The following DPYD variants were observed in gnomAD, a reference collection of about 807,000 sequenced individuals.
DPYD encodes the protein dihydropyrimidine dehydrogenase, also known as dihydropyrimidine dehydrogenase [NADP(+)].
In DPYD, 109 loss-of-function variants were observed where a neutral mutation model predicts 116.2. That is an observed-to-expected ratio of 0.94 (90% CI 0.80 to 1.10). The LOEUF is 1.10. Among genes scored for constraint, DPYD ranks in the 50% least tolerant of loss-of-function variants. DPYD has a pLI of 0.00. For synonymous variants in DPYD, 440 were observed against 432.0 expected (o/e 1.02, Z -0.23); for missense variants, 1,302 against 1,254.5 (o/e 1.04, Z -0.57).
At chr1:97,181,120 A>T (rs898120814) in intron 20 of DPYD, among the ~76,000 whole-genome samples, 5 of 152,148 alleles carry the variant, frequency 3.3e-5, no homozygotes, top group African/African-American at 1.2e-4. Flanking sequence ...CTGACAATTG[A>T]TCACACACCT....
At chr1:97,574,168 T>TG (rs1324214649) in intron 10 of DPYD, among the ~76,000 whole-genome samples, 198 bp from the exon 11 acceptor site, 3 of 152,174 alleles carry the variant, frequency 2.0e-5, no homozygotes, top group Non-Finnish European at 4.4e-5. Context: ...GAATTGGAGT[T>TG]GTAATGTGGA....
chr1:97,718,189 T>TG (rs1331657543), intron 5 of DPYD, among the ~76,000 whole-genome samples: 3 of 152,070 alleles, frequency 2.0e-5, no homozygotes, highest in Non-Finnish European at 4.4e-5. Flanking sequence ...TAGTGCATTC[T>TG]GGTTTTAATT....
intron 13 of DPYD, among the ~76,000 whole-genome samples, chr1:97,459,666 T>C (rs899165834): frequency 1.3e-5 from 2 of 151,968 alleles, no homozygotes; most frequent in Non-Finnish European, 2.9e-5. Flanking sequence ...TGTAGACTTA[T>C]AACTCAAGGA....
At chr1:97,898,533 T>C (rs1673195574) in intron 1 of DPYD, among the ~76,000 whole-genome samples, 1 of 151,976 alleles carries the variant, frequency 6.6e-6, no homozygotes, top group African/African-American at 2.4e-5. Context: ...CATTGCTTGA[T>C]AGCCAGTATC....
At chr1:97,704,845 T>C (rs1661829331) in intron 5 of DPYD, among the ~76,000 whole-genome samples, 1 of 152,004 alleles carries the variant, frequency 6.6e-6, no homozygotes, top group Admixed American at 6.6e-5. Flanking sequence ...GCCGAAACAA[T>C]GTAATAAATG....
intron 13 of DPYD, among the ~76,000 whole-genome samples, chr1:97,467,524 T>A (rs1391705198): frequency 6.6e-6 from 1 of 152,230 alleles, no homozygotes; most frequent in East Asian, 1.9e-4. Context: ...TAAAAAATCC[T>A]CATCTGTAAG....
intron 12 of DPYD, among the ~76,000 whole-genome samples, chr1:97,536,362 CTT>C (rs747106837): frequency 2.0e-5 from 3 of 152,290 alleles, no homozygotes; most frequent in Non-Finnish European, 2.9e-5. Context: ...TCAATCTTCT[CTT>C]AACACAGGAA....
At chr1:97,618,421 G>A (rs572896169) in intron 8 of DPYD, among the ~76,000 whole-genome samples, 3 of 144,378 alleles carry the variant, frequency 2.1e-5, no homozygotes, top group East Asian at 2.0e-4. Flanking sequence ...TGTCACACAT[G>A]CTGGAGTGCA....
At chr1:97,547,445 C>T (rs1022667781) in intron 12 of DPYD, among the ~76,000 whole-genome samples, 1 of 152,152 alleles carries the variant, frequency 6.6e-6, no homozygotes, top group Admixed American at 6.5e-5. Flanking sequence ...AGACTGGAGC[C>T]TGAACCACTC....
intron 12 of DPYD, among the ~76,000 whole-genome samples, chr1:97,533,353 C>T (rs937312715): frequency 1.3e-5 from 2 of 152,098 alleles, no homozygotes; most frequent in Non-Finnish European, 2.9e-5. Context: ...AAGAATAAAA[C>T]AGTAAATTAA....
intron 1 of DPYD, among the ~76,000 whole-genome samples, chr1:97,908,245 C>T (rs982395658): frequency 2.0e-5 from 3 of 151,798 alleles, no homozygotes; most frequent in African/African-American, 4.8e-5. Flanking sequence ...GGGGTTTTGC[C>T]CTATTGCCCG....
At chr1:97,216,093 T>C (rs1660374342) in intron 19 of DPYD, among the ~76,000 whole-genome samples, 1 of 152,218 alleles carries the variant, frequency 6.6e-6, no homozygotes, top group Non-Finnish European at 1.5e-5. Flanking sequence ...TGCATTTTTC[T>C]TTCAACTGGA....
intron 12 of DPYD, among the ~76,000 whole-genome samples, chr1:97,548,663 G>A (rs980654110): frequency 2.0e-5 from 3 of 152,172 alleles, no homozygotes; most frequent in Non-Finnish European, 4.4e-5. Flanking sequence ...TTGAACCCAG[G>A]AGGTGGAGGC....
At chr1:97,811,275 G>A (rs760546577) in intron 3 of DPYD, among the ~76,000 whole-genome samples, 2 of 151,950 alleles carry the variant, frequency 1.3e-5, no homozygotes, top group African/African-American at 4.8e-5. Flanking sequence ...CTGCCTGCCC[G>A]TTATCCAATT....
At chr1:97,438,600 T>A (rs1675593171) in intron 14 of DPYD, among the ~76,000 whole-genome samples, 1 of 152,026 alleles carries the variant, frequency 6.6e-6, no homozygotes, top group Non-Finnish European at 1.5e-5. Context: ...TAAAGTATTC[T>A]GACAGGGCCA....
chr1:97,391,617 C>A (rs1183151466), intron 14 of DPYD, among the ~76,000 whole-genome samples: 1 of 151,972 alleles, frequency 6.6e-6, no homozygotes, highest in Non-Finnish European at 1.5e-5. Flanking sequence ...TTCCAAATAT[C>A]TCCAGGTTCC....
intron 16 of DPYD, among the ~76,000 whole-genome samples, chr1:97,325,281 C>T (rs1169470976): frequency 6.6e-6 from 1 of 152,004 alleles, no homozygotes; most frequent in Non-Finnish European, 1.5e-5. Flanking sequence ...TAGATTTTTA[C>T]ATCATCTGGG....
At chr1:97,620,759 G>T (rs1656585576) in intron 8 of DPYD, among the ~76,000 whole-genome samples, 1 of 151,992 alleles carries the variant, frequency 6.6e-6, no homozygotes, top group South Asian at 2.1e-4. Context: ...AATCTTCTTA[G>T]CCTTCCTTCA....
At chr1:97,801,773 G>A (rs1239560991) in intron 3 of DPYD, among the ~76,000 whole-genome samples, 1 of 151,624 alleles carries the variant, frequency 6.6e-6, no homozygotes, top group Non-Finnish European at 1.5e-5. Flanking sequence ...ACTGTTTTAT[G>A]GTTTGCCTCC....
Sources: gnomAD v4.1 joint callset for allele counts (sites outside exome capture counted in the v4.1 genomes callset) on GRCh38, gnomAD v4.1.1 for gene constraint, MANE v1.5 for transcripts, NCBI Gene and HGNC (gene_info 2026-07-23, HGNC 2026-07-21) for gene names.